TONSL: variants seen among roughly 807,000 people sequenced by gnomAD.
TONSL encodes the protein tonsoku like, DNA repair protein, also known as tonsoku-like protein.
In TONSL, 112 loss-of-function variants were observed where a neutral mutation model predicts 147.1. That is an observed-to-expected ratio of 0.76 (90% CI 0.65 to 0.89). The LOEUF (loss-of-function observed/expected upper bound fraction) is 0.89, where lower values mean the gene tolerates loss of function less well. Ranked by LOEUF, TONSL falls within the 40% of genes least tolerant of loss-of-function variation. The pLI is 0.00. For synonymous variants in TONSL, 868 were observed against 801.5 expected, an observed-to-expected ratio of 1.08 and a Z score of -1.40; for missense variants, 1,883 against 1,864.6, an observed-to-expected ratio of 1.01 and a Z score of -0.18.
rs1823331810 is a variant in TONSL at position 144,434,047 on chromosome 8, G to A, written c.3318C>T (p.Ser1106=). ...GGCCTTCGGGACCCAGGTGATTGGA[G>A]GAGAGGTCAAGGAGGGCCAGGCTGG... The part of the protein sequence containing the change: ...TMPSLALLDL[S]SNHLGPEGLR... Residue 1106 remains serine (S), a synonymous_variant, in exon 21 of 26, where the codon TCC becomes TCT. Coordinates refer to ENST00000409379, the MANE Select transcript of TONSL (RefSeq NM_013432.5). 1 of 1,611,238 alleles carries A rather than the reference G, an allele frequency of 6.2e-7. No homozygotes were observed. Among genetic ancestry groups the A allele is most frequent in the Non-Finnish European group, 8.5e-7 (1 of 1,178,886 alleles).
In TONSL at chr8:144,442,700, G is replaced by A; in HGVS notation, c.555C>T (p.Phe185=). 2 of 1,612,950 alleles carry A rather than the reference G, an allele frequency of 1.2e-6. No homozygotes were observed. Among genetic ancestry groups the A allele is most frequent in the Non-Finnish European group, 1.7e-6 (2 of 1,179,916 alleles). ...LQQTALCNDY[F]RKSIFLAEQN... ...ACTCCGCAAGGAAGATGCTCTTCCT[G>A]AAGTAATCGTTGCACAGGGCTGTCT... is the stretch of plus-strand genomic sequence containing the variant. The change falls in exon 5 of 26, where the codon TTC becomes TTT. Residue 185 remains phenylalanine (F), a synonymous_variant. Transcript: ENST00000409379.
In TONSL at chr8:144,432,373, C is replaced by T; in HGVS notation, c.3647G>A (p.Gly1216Asp). ...LARTLQSLPA[G>D]TLLHLELSSV... ...GCTGAGCTCTAAGTGCAGGAGGGTG[C>T]CGGCGGGCAGGCTCTGCAGGGTCCT... Residue 1216 changes from glycine to aspartate, a missense_variant, in exon 23 of 26, where the codon GGC becomes GAC. Gly to Asp is a moderately conservative substitution (Grantham distance 94). Coordinates refer to ENST00000409379, the MANE Select transcript of TONSL (RefSeq NM_013432.5). The T allele has an allele frequency of 6.2e-7, 1 of 1,612,474 alleles. No individual in the cohort carries two copies. Among genetic ancestry groups the T allele is most frequent in the Non-Finnish European group, 8.5e-7 (1 of 1,179,478 alleles).
At chr8:144,430,831 G>A (rs1823157948) in intron 24 of TONSL, among the ~76,000 whole-genome samples, 1 of 152,200 alleles carries the variant, frequency 6.6e-6, no homozygotes, top group Admixed American at 6.5e-5. Flanking sequence ...TGTGGGCCGA[G>A]GCACAGGAAT....
At chr8:144,431,226 C>G (rs1564725964) in intron 23 of TONSL, 75 bp from the exon 24 acceptor site, 1 of 1,461,108 alleles carries the variant, frequency 6.8e-7, no homozygotes, top group African/African-American at 1.4e-5. Flanking sequence ...GCAGGTGCAC[C>G]ACACCCAGGG....
chr8:144,438,621 C>T (rs751590078), intron 12 of TONSL, 32 bp downstream of exon 12: 9 of 1,020,668 alleles, frequency 8.8e-6, no homozygotes, highest in South Asian at 2.5e-5. Flanking sequence ...GGCTGCTGAG[C>T]GGGGTGGGTG....
intron 9 of TONSL, 23 bp downstream of exon 9, chr8:144,440,695 C>T (rs1483852785): frequency 5.0e-6 from 8 of 1,603,972 alleles, no homozygotes; most frequent in Middle Eastern, 1.7e-4. Flanking sequence ...AACCTGCATT[C>T]GGGCGGGGAG....
Position 144,436,328 on chromosome 8 carries a change from G to A in TONSL, c.2105C>T (p.Pro702Leu), listed in dbSNP as rs764563560. 4 of 1,502,614 alleles carry A rather than the reference G, an allele frequency of 2.7e-6. No individual in the cohort carries two copies. The highest frequency in any genetic ancestry group is 2.3e-5 in the East Asian group (1 of 43,966). The allele number at this position is 1,502,614 out of a possible 1,614,324, so 93.1% of individuals were successfully genotyped here. A position where few individuals can be genotyped will look rare whatever the true frequency, so the allele number is the denominator to read the frequency against. Reference sequence around the variant, plus strand: ...CTCTGGGAGTCTAGTGCTATTAGAGGGGGGTTCTGGGCAGGGGCTCAAAGG... The same window carrying A: ...CTCTGGGAGTCTAGTGCTATTAGAGAGGGGTTCTGGGCAGGGGCTCAAAGG... The part of the protein sequence containing the change: ...SPPLSPCPEP[P>L]SNSTRLPEAS... Residue 702 changes from proline to leucine, a missense_variant, in exon 17 of 26, where the codon CCC (proline) becomes CTC (leucine). Transcript: ENST00000409379.
chr8:144,434,813 TGCCCCAGGCTCTGGCAG>T lies in TONSL; in HGVS notation c.3066_3082del (p.Cys1023ArgfsTer61), dbSNP rs775477127. 2 of 1,613,420 alleles carry T rather than the reference TGCCCCAGGCTCTGGCAG, an allele frequency of 1.2e-6. No homozygotes were observed. Among genetic ancestry groups the T allele is most frequent in the Non-Finnish European group, 1.7e-6 (2 of 1,179,868 alleles). ...ACTGCAGCTCTCCTGGCCCTCACCT[TGCCCCAGGCTCTGGCAG>T]GCCCTGCGGTAGCGGTCAGTCAACG... On this transcript the variant is annotated frameshift_variant, in exon 20 of 26. Coordinates refer to ENST00000409379, the MANE Select transcript of TONSL (RefSeq NM_013432.5). LOFTEE classifies it high-confidence loss of function.
Position 144,431,094 on chromosome 8 carries a change from C to T in TONSL, c.3793G>A (p.Val1265Ile), listed in dbSNP as rs782563535. The change falls in exon 24 of 26, where the codon GTT becomes ATT. Residue 1265 changes from valine (V) to isoleucine (I), a missense_variant. By Grantham distance (29) the Val-to-Ile change is conservative. Coordinates refer to ENST00000409379, the MANE Select transcript of TONSL (RefSeq NM_013432.5). ...LSANHLGDKA[V>I]RDLCRCLSLC... ...GGGCGTTACCTGCACAGGTCTCTAA[C>T]AGCCTTGTCCCCCAGGTGGTTTGCA... The T allele has an allele frequency of 5.0e-6, 8 of 1,614,158 alleles. No homozygotes were observed. The Admixed American group carries it at 1.2e-4, about 24-fold the overall frequency.
rs947855895 is a variant in TONSL, at chr8:144,429,198, C to A, written c.4082G>T (p.Gly1361Val). Reference protein sequence around the residue: ...ALRQLQPSRPGPGECTLDHGS... With the variant: ...ALRQLQPSRPVPGECTLDHGS... ...GTGGTCCAGCGTGCACTCGCCGGGG[C>A]CCGGCCGACTGGGCTGCAGCTGGCG... The change falls in exon 26 of 26, where the codon GGC becomes GTC. Residue 1361 changes from glycine to valine, a missense_variant. Coordinates refer to ENST00000409379, the MANE Select transcript of TONSL (RefSeq NM_013432.5). 1.3e-6 allele frequency: 2 copies of A among 1,534,636 alleles called. No individual in the cohort carries two copies. Among genetic ancestry groups the A allele is most frequent in the African/African-American group, 1.4e-5 (1 of 72,500 alleles).
At chr8:144,438,603 G>C in intron 12 of TONSL, 43 bp from the exon 13 acceptor site, 2 of 1,612,768 alleles carry the variant, frequency 1.2e-6, no homozygotes, top group South Asian at 2.2e-5. Flanking sequence ...GGCGTGAGGA[G>C]CTGGCAGGGC....
At position 144,436,269 on chromosome 8, in the gene TONSL, G is replaced by C; in HGVS notation, c.2164C>G (p.Gln722Glu). The change falls in exon 17 of 26, where the codon CAG becomes GAG. Residue 722 changes from glutamine (Q) to glutamate (E), a missense_variant. Transcript: ENST00000409379. ...GGCCTGGCCATGGCTGGTGCCGCCT[G>C]CCCTGGGGAGACCCTGACATGGGCC... Reference protein sequence around the residue: ...SQAHVRVSPGQAAPAMARPRR... With the variant: ...SQAHVRVSPGEAAPAMARPRR... 1 of 1,518,770 alleles carries C rather than the reference G, an allele frequency of 6.6e-7. No homozygotes were observed. The highest frequency in any genetic ancestry group is 8.8e-7 in the Non-Finnish European group (1 of 1,138,912). The allele number at this position is 1,518,770 out of a possible 1,614,324, so 94.1% of individuals were successfully genotyped here. A position where few individuals can be genotyped will look rare whatever the true frequency, so the allele number is the denominator to read the frequency against.
chr8:144,438,606 G>A, intron 12 of TONSL, 46 bp from the exon 13 acceptor site: 2 of 1,612,772 alleles, frequency 1.2e-6, no homozygotes, highest in African/African-American at 1.3e-5. Flanking sequence ...GTGAGGAGCT[G>A]GCAGGGCTGC....
At position 144,440,552 on chromosome 8, in the gene TONSL, T is replaced by C. The variant is rs1823672779; in HGVS notation, c.1165-76A>G. The stretch of plus-strand genomic sequence containing the variant: ...CGGGCCCCAGTCAAGCTTCCCCGGC[T>C]GCCCAGACGAAATGGGAGCCCGGCC... On this transcript the variant is annotated intron_variant, in intron 9 of 25. Transcript: ENST00000409379. The C allele has an allele frequency of 2.6e-6, 4 of 1,530,276 alleles. No individual in the cohort carries two copies. The Admixed American group carries it at 7.8e-5, about 30-fold the overall frequency. The allele number at this position is 1,530,276 out of a possible 1,614,324, so 94.8% of individuals were successfully genotyped here. A position where few individuals can be genotyped will look rare whatever the true frequency, so the allele number is the denominator to read the frequency against.
Position 144,444,289 on chromosome 8 carries a change from A to G in TONSL, c.26-14T>C. 1 of 1,399,288 alleles carries G rather than the reference A, an allele frequency of 7.1e-7. No homozygotes were observed. Among genetic ancestry groups the G allele is most frequent in the South Asian group, 1.5e-5 (1 of 66,938 alleles). 86.7% of individuals were successfully genotyped at this position (1,399,288 alleles called of 1,614,324 possible). The stretch of plus-strand genomic sequence containing the variant: ...CCTTGCTCAGCTCTGTGGGAGGAAG[A>G]GGAGGGCTGGGCCTCCGCGGCGGGG... On this transcript the variant is annotated splice_polypyrimidine_tract_variant and intron_variant, in intron 1 of 25. Coordinates refer to ENST00000409379, the MANE Select transcript of TONSL (RefSeq NM_013432.5).
Position 144,432,428 on chromosome 8 carries a change from A to T in TONSL, c.3592T>A (p.Tyr1198Asn). 4 of 1,580,050 alleles carry T rather than the reference A, an allele frequency of 2.5e-6. No individual in the cohort carries two copies. The highest frequency in any genetic ancestry group is 3.4e-6 in the Non-Finnish European group (4 of 1,165,882). ...AEHLKTLSLS[Y>N]NALGAPALAR... ...AGGGCAGGGGCTCCCAGGGCGTTGT[A>T]GGACAGGGACAGGGTCTTCAGGTGC... Residue 1198 changes from tyrosine to asparagine, a missense_variant, in exon 23 of 26, where the codon TAC becomes AAC. Physicochemically the swap from Tyr to Asn is moderately radical, Grantham distance 143. Transcript: ENST00000409379.
In TONSL at chr8:144,440,212, T is replaced by C; in HGVS notation, c.1291-2A>G. On this transcript the variant is annotated splice_acceptor_variant, in intron 10 of 25. Coordinates refer to ENST00000409379, the MANE Select transcript of TONSL (RefSeq NM_013432.5). LOFTEE classifies it high-confidence loss of function. ...ATGGAGATGCTGCAAGACCTGCCTC[T>C]GAGGAGCAGAGGGATGCTCAGCTCA... 1 of 1,590,722 alleles carries C rather than the reference T, an allele frequency of 6.3e-7. No homozygotes were observed. The highest frequency in any genetic ancestry group is 8.6e-7 in the Non-Finnish European group (1 of 1,168,100).
chr8:144,439,077 G>A (rs769451521), intron 11 of TONSL, among the ~76,000 whole-genome samples: 77 of 152,094 alleles, frequency 5.1e-4, no homozygotes, highest in Non-Finnish European at 2.2e-4. Context: ...CGCCCAGACC[G>A]GCTCGTGGGC....
rs1554878878 is a variant in TONSL, at chr8:144,432,307, G to C, written c.3713C>G (p.Pro1238Arg). Reference protein sequence around the residue: ...AGKGDSDLMEPVFRYLAKEGC... With the variant: ...AGKGDSDLMERVFRYLAKEGC... The stretch of plus-strand genomic sequence containing the variant: ...TACCTTGGCCAGGTATCGGAATACA[G>C]GCTCCATGAGGTCCGAATCACCCTT... Residue 1238 changes from proline (P) to arginine (R), a missense_variant, in exon 23 of 26, where the codon CCT becomes CGT. Pro to Arg is a moderately radical substitution (Grantham distance 103). Transcript: ENST00000409379. 1 of 1,613,802 alleles carries C rather than the reference G, an allele frequency of 6.2e-7. No homozygotes were observed. The highest frequency in any genetic ancestry group is 8.5e-7 in the Non-Finnish European group (1 of 1,179,944).
Sources: allele counts gnomAD v4.1 joint callset (sites outside exome capture counted in the v4.1 genomes callset), GRCh38; gene constraint gnomAD v4.1.1; transcripts MANE v1.5; gene names NCBI Gene and HGNC (gene_info 2026-07-23, HGNC 2026-07-21).